Variants in ULK4 observed in about 807,000 individuals in gnomAD.
The protein encoded by ULK4 is inactive serine/threonine-protein kinase ULK4.
ULK4 carries 133 observed loss-of-function variants against 160.6 expected under a neutral mutation model. That is an observed-to-expected ratio of 0.83 (90% CI 0.72 to 0.96). The LOEUF (loss-of-function observed/expected upper bound fraction) is 0.96. ULK4 is among the 40% of genes least tolerant of loss of function. The probability of loss-of-function intolerance (pLI) is 0.00; values close to 1 mark genes in which losing one functional copy is unlikely to be tolerated. For missense variants in ULK4, 1,580 were observed against 1,499.5 expected (o/e 1.05, Z -0.89); for synonymous variants, 534 against 539.8 (o/e 0.99, Z 0.15).
At chr3:41,845,873 C>A (rs927653498) in intron 17 of ULK4, among the ~76,000 whole-genome samples, 1 of 152,156 alleles carries the variant, frequency 6.6e-6, no homozygotes, top group African/African-American at 2.4e-5. Context: ...AAACTGTCAA[C>A]CTCATATTAA....
At chr3:41,356,909 C>A (rs1056148980) in intron 35 of ULK4, among the ~76,000 whole-genome samples, 3 of 152,082 alleles carry the variant, frequency 2.0e-5, no homozygotes, top group African/African-American at 4.8e-5. Flanking sequence ...AACACCTGCT[C>A]CCCACACCTG....
intron 34 of ULK4, among the ~76,000 whole-genome samples, chr3:41,404,919 T>C (rs2082262738): frequency 6.6e-6 from 1 of 152,212 alleles, no homozygotes; most frequent in Non-Finnish European, 1.5e-5. Flanking sequence ...TCTGGTATTA[T>C]GTTATAGCAG....
At chr3:41,816,867 T>C (rs1383926908) in intron 19 of ULK4, among the ~76,000 whole-genome samples, 1 of 152,166 alleles carries the variant, frequency 6.6e-6, no homozygotes, top group Non-Finnish European at 1.5e-5. Context: ...TTTGCGAAGA[T>C]ATGGGTTAAT....
chr3:41,483,445 C>A lies in ULK4; in HGVS notation c.3227-20192G>T, dbSNP rs1049544488. 7.2e-5 allele frequency among the ~76,000 whole-genome samples: 11 copies of A among 152,140 alleles called. 1 individual carries two copies. Among genetic ancestry groups the A allele is most frequent in the Admixed American group, 6.5e-4 (10 of 15,270 alleles). ...TGCATACTGTTTCCACCCCCACACC[C>A]CCATATAGTTATCTCTTAATTTTGG... is the stretch of plus-strand genomic sequence containing the variant. On this transcript the variant is annotated intron_variant, in intron 32 of 36. Coordinates refer to ENST00000301831, the MANE Select transcript of ULK4 (RefSeq NM_017886.4).
chr3:41,871,448 T>C (rs1697089036), intron 17 of ULK4, among the ~76,000 whole-genome samples: 2 of 152,200 alleles, frequency 1.3e-5, no homozygotes, highest in Admixed American at 1.3e-4. Context: ...CCAAAATGTT[T>C]CCAGAGTAGT....
intron 27 of ULK4, among the ~76,000 whole-genome samples, chr3:41,702,118 A>ATTAATTTT (rs1225035057): frequency 6.6e-6 from 1 of 152,032 alleles, no homozygotes; most frequent in Non-Finnish European, 1.5e-5. Context: ...AACTGGCCAA[A>ATTAATTTT]TTAATTTTTT....
At chr3:41,603,182 A>T (rs2032201179) in intron 31 of ULK4, among the ~76,000 whole-genome samples, 1 of 152,122 alleles carries the variant, frequency 6.6e-6, no homozygotes. Context: ...CTATACTGAT[A>T]TCAGAAAAAA....
rs545545937 is a variant in ULK4, at chr3:41,323,946, C to A, written c.3678+74133G>T. Among the ~76,000 whole-genome samples the A allele has an allele frequency of 5.6e-4, 86 of 152,324 alleles. 1 individual carries two copies. The highest frequency in any genetic ancestry group is 8.4e-4 in the Non-Finnish European group (57 of 68,034). ...TTCATAAACTGAGAAGGCACCGAAG[C>A]TTGCACCTGGTTATCTTCAGCTTTT... On this transcript the variant is annotated intron_variant, in intron 35 of 36. Coordinates refer to ENST00000301831, the MANE Select transcript of ULK4 (RefSeq NM_017886.4).
chr3:41,390,773 T>C (rs1332851898), intron 35 of ULK4, among the ~76,000 whole-genome samples: 2 of 152,096 alleles, frequency 1.3e-5, no homozygotes, highest in African/African-American at 2.4e-5. Context: ...TGCTGAGGAG[T>C]GCTTTACTTC....
chr3:41,700,170 C>G (rs971180907), intron 27 of ULK4, among the ~76,000 whole-genome samples: 16 of 152,214 alleles, frequency 1.1e-4, no homozygotes, highest in Admixed American at 4.6e-4. Context: ...AATATAAAGA[C>G]CCTAAACCCT....
intron 35 of ULK4, among the ~76,000 whole-genome samples, chr3:41,393,726 A>T (rs2082001096): frequency 6.6e-6 from 1 of 152,092 alleles, no homozygotes; most frequent in South Asian, 2.1e-4. Flanking sequence ...TAACTCTATT[A>T]CTTGTTTTTC....
At chr3:41,883,290 C>T (rs771942269) in intron 17 of ULK4, among the ~76,000 whole-genome samples, 1 of 152,182 alleles carries the variant, frequency 6.6e-6, no homozygotes, top group Non-Finnish European at 1.5e-5. Context: ...TACCACACAA[C>T]CAGCTTCAAC....
At chr3:41,366,133 T>C (rs2081248306) in intron 35 of ULK4, among the ~76,000 whole-genome samples, 1 of 152,158 alleles carries the variant, frequency 6.6e-6, no homozygotes, top group Admixed American at 6.6e-5. Context: ...CAAGTAGCAC[T>C]CCAGGTGTTC....
chr3:41,352,335 C>T (rs2080927925), intron 35 of ULK4, among the ~76,000 whole-genome samples: 3 of 152,306 alleles, frequency 2.0e-5, no homozygotes, highest in East Asian at 1.9e-4. Flanking sequence ...AGAGTACACA[C>T]GGCTTCCCCC....
chr3:41,863,434 T>C (rs905268786), intron 17 of ULK4, among the ~76,000 whole-genome samples: 2 of 150,984 alleles, frequency 1.3e-5, no homozygotes, highest in Admixed American at 6.6e-5. Flanking sequence ...TTTGGTGTTC[T>C]ACCCTCTTTG....
chr3:41,827,262 G>C (rs968494966), intron 18 of ULK4, among the ~76,000 whole-genome samples: 2 of 150,232 alleles, frequency 1.3e-5, no homozygotes, highest in Admixed American at 6.6e-5. Context: ...AGAGAAGCAA[G>C]AGCAAACACA....
At chr3:41,451,268 C>A (rs2083419129) in intron 34 of ULK4, among the ~76,000 whole-genome samples, 2 of 151,862 alleles carry the variant, frequency 1.3e-5, no homozygotes, top group African/African-American at 4.8e-5. Context: ...GAGGGACTTA[C>A]AAACACAAGG....
chr3:41,808,101 G>A (rs1256115644), intron 19 of ULK4, among the ~76,000 whole-genome samples: 1 of 151,886 alleles, frequency 6.6e-6, no homozygotes, highest in Non-Finnish European at 1.5e-5. Flanking sequence ...CTTAATGTGG[G>A]GTTCAATATG....
intron 30 of ULK4, among the ~76,000 whole-genome samples, chr3:41,650,254 A>G (rs2034685448): frequency 6.6e-6 from 1 of 152,156 alleles, no homozygotes; most frequent in Non-Finnish European, 1.5e-5. Flanking sequence ...CTCAGGACCC[A>G]CCAAATGCCA....
Sources: allele counts gnomAD v4.1 joint callset (sites outside exome capture counted in the v4.1 genomes callset), GRCh38; gene constraint gnomAD v4.1.1; transcripts MANE v1.5; gene names NCBI Gene and HGNC (gene_info 2026-07-23, HGNC 2026-07-21).